ATP8B4: variants seen among roughly 807,000 people sequenced by gnomAD.
ATP8B4 encodes probable phospholipid-transporting ATPase IM.
ATP8B4 carries 133 observed loss-of-function variants against 145.6 expected under a neutral mutation model. The observed-to-expected ratio is 0.91, with a 90% confidence interval of 0.79 to 1.05. ATP8B4 has a LOEUF of 1.05. Among genes scored for constraint, ATP8B4 ranks in the 50% least tolerant of loss-of-function variants. The pLI is 0.00. For synonymous variants in ATP8B4, 507 were observed against 492.9 expected (o/e 1.03, Z -0.38); for missense variants, 1,458 against 1,425.2 (o/e 1.02, Z -0.37).
chr15:50,048,616 G>T (rs1423549744), intron 3 of ATP8B4, among the ~76,000 whole-genome samples: 4 of 151,924 alleles, frequency 2.6e-5, no homozygotes, highest in African/African-American at 9.7e-5. Context: ...GCTGAGGCAG[G>T]AGAATCGCTT....
chr15:50,021,685 C>T (rs750444830), intron 6 of ATP8B4, among the ~76,000 whole-genome samples: 1 of 152,164 alleles, frequency 6.6e-6, no homozygotes, highest in Admixed American at 6.5e-5. Flanking sequence ...GTTGTACTTA[C>T]AACTACTTGA....
chr15:50,073,376 G>A (rs1341364293), intron 3 of ATP8B4, among the ~76,000 whole-genome samples: 1 of 151,996 alleles, frequency 6.6e-6, no homozygotes, highest in Non-Finnish European at 1.5e-5. Flanking sequence ...GAGAATGATG[G>A]TTTCCAACTT....
At chr15:50,079,688 T>C (rs1286294502) in intron 2 of ATP8B4, among the ~76,000 whole-genome samples, 2 of 152,206 alleles carry the variant, frequency 1.3e-5, no homozygotes, top group East Asian at 1.9e-4. Flanking sequence ...GAGGGGTCTA[T>C]GATGGGGTCT....
intron 10 of ATP8B4, 96 bp from the exon 11 acceptor site, chr15:49,981,390 T>C (rs2046142347): frequency 1.1e-6 from 1 of 939,300 alleles, no homozygotes; most frequent in Non-Finnish European, 1.6e-6. Flanking sequence ...AAAAAATATA[T>C]ATTTTTCACA....
At chr15:49,953,375 G>A (rs1168933902) in intron 14 of ATP8B4, among the ~76,000 whole-genome samples, 1 of 152,146 alleles carries the variant, frequency 6.6e-6, no homozygotes, top group Non-Finnish European at 1.5e-5. Flanking sequence ...TCAGGTCCAG[G>A]GAAAGCCAAA....
rs771776613 is a variant in ATP8B4 at position 49,860,234 on chromosome 15, G to T, written c.3539C>A (p.Thr1180Asn). ...IENLCKKTTD[T>N]VSSFSQDKTV... is the part of the protein sequence containing the mutation. ...TTTATCCTGGCTAAAGCTGCTCACG[G>T]TGTCTGTGGTTTTCTTACATAAATT... The change falls in exon 28 of 28, where the codon ACC (threonine) becomes AAC (asparagine). Residue 1180 changes from threonine to asparagine, a missense_variant. Coordinates refer to ENST00000284509, the MANE Select transcript of ATP8B4 (RefSeq NM_024837.4). 1 of 1,614,082 alleles carries T rather than the reference G, an allele frequency of 6.2e-7. No individual in the cohort carries two copies. Among genetic ancestry groups the T allele is most frequent in the Non-Finnish European group, 8.5e-7 (1 of 1,179,976 alleles).
In ATP8B4 at chr15:49,866,341, C is replaced by G; in HGVS notation, c.3166+5G>C. On this transcript the variant is annotated splice_donor_5th_base_variant and intron_variant, in intron 26 of 27. Coordinates refer to ENST00000284509, the MANE Select transcript of ATP8B4 (RefSeq NM_024837.4). Reference sequence around the variant, plus strand: ...AGGTTCCACTAGTCAACATGACTCACTTACCAACAAATGGAAACTGGTTTG... The same window carrying G: ...AGGTTCCACTAGTCAACATGACTCAGTTACCAACAAATGGAAACTGGTTTG... 6.2e-7 allele frequency: 1 copy of G among 1,613,668 alleles called. No individual in the cohort carries two copies. Among genetic ancestry groups the G allele is most frequent in the East Asian group, 2.2e-5 (1 of 44,834 alleles).
intron 14 of ATP8B4, among the ~76,000 whole-genome samples, chr15:49,939,229 A>G (rs2041971479): frequency 6.6e-6 from 1 of 152,144 alleles, no homozygotes; most frequent in Non-Finnish European, 1.5e-5. Flanking sequence ...CTAGCAGAAC[A>G]AACTAACACC....
rs550162767 is a variant in ATP8B4, at chr15:50,043,012, T to G, written c.300+1582A>C. ...AATTGAAAGGCAGAGATTTTCAGAT[T>G]TTATTAAAAATTATTAGCCTACTAT... On this transcript the variant is annotated intron_variant, in intron 5 of 27. Transcript: ENST00000284509. 5.0e-4 allele frequency among the ~76,000 whole-genome samples: 76 copies of G among 152,306 alleles called. 1 individual carries two copies. The highest frequency in any genetic ancestry group is 2.9e-5 in the Non-Finnish European group (2 of 68,022).
At chr15:49,981,443 A>G (rs1391899011) in intron 10 of ATP8B4, 149 bp from the exon 11 acceptor site, 4 of 605,086 alleles carry the variant, frequency 6.6e-6, no homozygotes, top group South Asian at 4.5e-5. Context: ...TAAGTTGTAC[A>G]TGATTCTCAA....
intron 1 of ATP8B4, among the ~76,000 whole-genome samples, chr15:50,158,926 C>A (rs971933856): frequency 3.3e-5 from 5 of 152,180 alleles, no homozygotes; most frequent in African/African-American, 1.2e-4. Context: ...TAAGAGTCAT[C>A]ACCACTCCCT....
chr15:50,176,063 GTA>G (rs141894277), intron 1 of ATP8B4, among the ~76,000 whole-genome samples: 77 of 146,730 alleles, frequency 5.2e-4, no homozygotes, highest in South Asian at 3.4e-3. Context: ...ATACCGCAGA[GTA>G]TATATATATA....
rs376110891 is a variant in ATP8B4, at chr15:49,871,377, C to T, written c.3028-4893G>A. On this transcript the variant is annotated intron_variant, in intron 25 of 27. Coordinates refer to ENST00000284509, the MANE Select transcript of ATP8B4 (RefSeq NM_024837.4). ...TGTTCCAGATAACACTGGAATTAGA[C>T]AGAACTGGATTCTCCTGGCTCTGGG... 1.6e-4 allele frequency among the ~76,000 whole-genome samples: 25 copies of T among 152,316 alleles called. 1 individual carries two copies. The highest frequency in any genetic ancestry group is 6.0e-4 in the African/African-American group (25 of 41,560).
chr15:49,926,535 C>G (rs1170984043), intron 16 of ATP8B4, among the ~76,000 whole-genome samples: 1 of 152,122 alleles, frequency 6.6e-6, no homozygotes, highest in Admixed American at 6.6e-5. Flanking sequence ...TAGCTTCCCT[C>G]TCCCTTCTAT....
rs1245764478 is a variant in ATP8B4 at position 50,054,793 on chromosome 15, AAAAAAAAAAAAAAAAAC to A, written c.88-7346_88-7330del. ...AGGGAGACTCCGCCTCAAAAAAAAA[AAAAAAAAAAAAAAAAAC>A]AAAAAAAAAAAAACACCAACCTCAG... On this transcript the variant is annotated intron_variant, in intron 3 of 27. Coordinates refer to ENST00000284509, the MANE Select transcript of ATP8B4 (RefSeq NM_024837.4). Among the ~76,000 whole-genome samples the A allele has an allele frequency of 1.1e-3, 156 of 139,348 alleles. 1 individual carries two copies. The highest frequency in any genetic ancestry group is 2.7e-3 in the African/African-American group (85 of 31,892). The allele number at this position is 139,348 out of a possible 152,430, so 91.4% of individuals were successfully genotyped here.
intron 2 of ATP8B4, among the ~76,000 whole-genome samples, chr15:50,095,045 A>T (rs2055880787): frequency 6.6e-6 from 1 of 152,154 alleles, no homozygotes. Flanking sequence ...AAGAGCATCA[A>T]AACGTTTTGT....
intron 1 of ATP8B4, among the ~76,000 whole-genome samples, chr15:50,112,121 AAGAG>A (rs1218174741): frequency 6.6e-6 from 1 of 152,186 alleles, no homozygotes; most frequent in Non-Finnish European, 1.5e-5. Flanking sequence ...GGCCAGTGGA[AAGAG>A]AAAGATTGAA....
At chr15:50,026,859 C>T (rs1299024596) in intron 6 of ATP8B4, among the ~76,000 whole-genome samples, 3 of 152,128 alleles carry the variant, frequency 2.0e-5, no homozygotes, top group South Asian at 2.1e-4. Flanking sequence ...GAAGATGGTA[C>T]TTGTGACGGA....
chr15:50,168,641 T>G (rs1273449753), intron 1 of ATP8B4, among the ~76,000 whole-genome samples: 1 of 152,166 alleles, frequency 6.6e-6, no homozygotes, highest in African/African-American at 2.4e-5. Flanking sequence ...ATTCTCTAGT[T>G]AAACTTTGTG....
Sources: allele counts gnomAD v4.1 joint callset (sites outside exome capture counted in the v4.1 genomes callset), GRCh38; gene constraint gnomAD v4.1.1; transcripts MANE v1.5; gene names NCBI Gene and HGNC (gene_info 2026-07-23, HGNC 2026-07-21).